Variants in ATP2C2 observed in about 807,000 individuals in gnomAD.
The protein encoded by ATP2C2 is ATPase secretory pathway Ca2+ transporting 2.
ATP2C2 carries 171 observed loss-of-function variants against 110.8 expected under a neutral mutation model. The observed-to-expected ratio is 1.54, with a 90% confidence interval of 1.36 to 1.75. The LOEUF is 1.75. Ranked by LOEUF, ATP2C2 falls within the 40% of genes most tolerant of loss-of-function variation. The pLI is 0.00. For synonymous variants in ATP2C2, 804 were observed against 508.4 expected, an observed-to-expected ratio of 1.58 and a Z score of -7.82; for missense variants, 1,963 against 1,235.0, an observed-to-expected ratio of 1.59 and a Z score of -8.84.
chr16:84,421,165 C>A (rs1165461661), intron 7 of ATP2C2, among the ~76,000 whole-genome samples: 3 of 152,198 alleles, frequency 2.0e-5, no homozygotes, highest in Admixed American at 6.5e-5. Flanking sequence ...TTTGAGCCTC[C>A]TTCAAAGACT....
intron 6 of ATP2C2, among the ~76,000 whole-genome samples, chr16:84,414,434 C>G (rs1248552660): frequency 6.6e-6 from 1 of 152,166 alleles, no homozygotes. Context: ...TGCATCACAG[C>G]CAAACACGCA....
chr16:84,454,529 A>C (rs570145117), intron 20 of ATP2C2, among the ~76,000 whole-genome samples: 383 of 152,270 alleles, frequency 2.5e-3, no homozygotes, highest in Non-Finnish European at 4.4e-3. Context: ...GATAACCTTT[A>C]TGAGCCTTTA....
intron 1 of ATP2C2, among the ~76,000 whole-genome samples, chr16:84,394,000 A>G (rs1904817777): frequency 7.2e-6 from 1 of 139,546 alleles, no homozygotes. Flanking sequence ...AATTAAAAAT[A>G]CCAAAAAAAA....
At chr16:84,463,477 C>A in intron 26 of ATP2C2, 137 bp from the exon 27 acceptor site, 1 of 714,668 alleles carries the variant, frequency 1.4e-6, no homozygotes. Flanking sequence ...GGAAGATCTC[C>A]CTGCCTTCAG....
chr16:84,410,435 A>G, intron 4 of ATP2C2, 133 bp from the exon 5 acceptor site: 5 of 1,058,290 alleles, frequency 4.7e-6, no homozygotes, highest in South Asian at 1.4e-5. Flanking sequence ...TATTTTCTAA[A>G]TTTCTGTACT....
At chr16:84,424,576 C>CCTTTTTTTTTTT (rs1907634328) in intron 10 of ATP2C2, among the ~76,000 whole-genome samples, 1 of 114,868 alleles carries the variant, frequency 8.7e-6, no homozygotes, top group African/African-American at 4.0e-5. Context: ...CCGCACTGGG[C>CCTTTTTTTTTTT]TTTTTTTTTT....
In ATP2C2 at chr16:84,415,639, C is replaced by T. The variant is rs752906392; in HGVS notation, c.624+48C>T. ...CAATGGGGTATTTGATGGAGCTGGT[C>T]AAGGAGCAGACACTTAGCTAATTGT... On this transcript the variant is annotated intron_variant, in intron 7 of 26. Coordinates refer to ENST00000262429, the MANE Select transcript of ATP2C2 (RefSeq NM_014861.4). The T allele has an allele frequency of 3.4e-6, 5 of 1,488,774 alleles. No homozygotes were observed. In the Middle Eastern group the frequency reaches 5.2e-4, roughly 156 times the overall value. 92.2% of individuals were successfully genotyped at this position (1,488,774 alleles called of 1,614,324 possible). A position where few individuals can be genotyped will look rare whatever the true frequency, so the allele number is the denominator to read the frequency against.
chr16:84,441,968 TA>T (rs936191465), intron 14 of ATP2C2, among the ~76,000 whole-genome samples: 1 of 147,216 alleles, frequency 6.8e-6, no homozygotes, highest in Non-Finnish European at 1.5e-5. Context: ...CTAGTAATAA[TA>T]AAAAAGAAAA....
intron 3 of ATP2C2, 101 bp downstream of exon 3, chr16:84,405,345 G>C (rs1484077843): frequency 2.0e-6 from 2 of 1,020,722 alleles, no homozygotes; most frequent in East Asian, 2.5e-5. Flanking sequence ...TCCTTGGACA[G>C]CTCCCGCCCC....
chr16:84,427,563 A>G (rs1907909488), intron 11 of ATP2C2, among the ~76,000 whole-genome samples: 1 of 152,152 alleles, frequency 6.6e-6, no homozygotes, highest in Non-Finnish European at 1.5e-5. Context: ...CTAAAAATAC[A>G]AAAATTAACT....
Position 84,422,647 on chromosome 16 carries a change from G to C in ATP2C2, c.793G>C (p.Gly265Arg), listed in dbSNP as rs1907454134. 8.1e-6 allele frequency: 13 copies of C among 1,613,672 alleles called. No individual in the cohort carries two copies. The highest frequency in any genetic ancestry group is 2.2e-5 in the East Asian group (1 of 44,866). The change falls in exon 9 of 27, where the codon GGG (glycine) becomes CGG (arginine). Residue 265 changes from glycine to arginine, a missense_variant. Physicochemically the swap from Gly to Arg is moderately radical, Grantham distance 125. Transcript: ENST00000262429. ...GACACAGGGGGTCGTGATTGGAACA[G>C]GGGAAAGCTCTCAGTTCGGAGAAGT... ...GRGQGVVIGT[G>R]ESSQFGEVFK...
chr16:84,402,470 A>G (rs1597769677), intron 2 of ATP2C2, among the ~76,000 whole-genome samples: 3 of 152,170 alleles, frequency 2.0e-5, no homozygotes, highest in Non-Finnish European at 1.5e-5. Context: ...ACATTGAGAC[A>G]TGTTCCTTCT....
At chr16:84,450,418 G>T (rs1261189855) in intron 17 of ATP2C2, among the ~76,000 whole-genome samples, 1 of 152,128 alleles carries the variant, frequency 6.6e-6, no homozygotes, top group African/African-American at 2.4e-5. Flanking sequence ...CACCCCACAT[G>T]CATCCAGGGG....
chr16:84,388,333 A>C (rs1225606441), intron 1 of ATP2C2, among the ~76,000 whole-genome samples: 1 of 152,086 alleles, frequency 6.6e-6, no homozygotes, highest in Non-Finnish European at 1.5e-5. Flanking sequence ...TCAAAAAAAA[A>C]AGAAAGAAAA....
At chr16:84,422,966 C>T (rs141220263) in intron 9 of ATP2C2, among the ~76,000 whole-genome samples, 1 of 152,096 alleles carries the variant, frequency 6.6e-6, no homozygotes, top group Non-Finnish European at 1.5e-5. Flanking sequence ...CACCTGGCCT[C>T]TTTTCAAACA....
At chr16:84,424,424 T>G (rs1482117829) in intron 10 of ATP2C2, among the ~76,000 whole-genome samples, 2 of 152,022 alleles carry the variant, frequency 1.3e-5, no homozygotes, top group African/African-American at 2.4e-5. Flanking sequence ...ATTACAGGCA[T>G]GCACCATCAC....
At chr16:84,408,599 GA>G (rs1007033682) in intron 4 of ATP2C2, 105 bp downstream of exon 4, 40 of 845,348 alleles carry the variant, frequency 4.7e-5, no homozygotes, top group African/African-American at 8.6e-5. Flanking sequence ...CTGTAGGGGG[GA>G]AAAAGGAGCA....
At chr16:84,439,072 C>T (rs1459738085) in intron 11 of ATP2C2, 94 bp from the exon 12 acceptor site, 20 of 1,547,482 alleles carry the variant, frequency 1.3e-5, no homozygotes, top group Non-Finnish European at 1.7e-5. Flanking sequence ...ACACCTAAGA[C>T]AAGCTTCACC....
rs1333516003 is a variant in ATP2C2 at position 84,415,579 on chromosome 16, C to T, written c.612C>T (p.Ile204=). The change falls in exon 7 of 27, where the codon ATC becomes ATT. Residue 204 remains isoleucine (I), a synonymous_variant. Coordinates refer to ENST00000262429, the MANE Select transcript of ATP2C2 (RefSeq NM_014861.4). Reference sequence around the variant, plus strand: ...TCGGAGACCGGATCCCTGCAGACATCCGACTCACTGAGGTGAGTGGTTCCA... The same window carrying T: ...TCGGAGACCGGATCCCTGCAGACATTCGACTCACTGAGGTGAGTGGTTCCA... ...LSIGDRIPAD[I]RLTEVTDLLV... 1.2e-6 allele frequency: 2 copies of T among 1,613,396 alleles called. No individual in the cohort carries two copies. The highest frequency in any genetic ancestry group is 1.7e-6 in the Non-Finnish European group (2 of 1,179,644).
Sources: gnomAD v4.1 joint callset for allele counts (sites outside exome capture counted in the v4.1 genomes callset) on GRCh38, gnomAD v4.1.1 for gene constraint, MANE v1.5 for transcripts, NCBI Gene and HGNC (gene_info 2026-07-23, HGNC 2026-07-21) for gene names.